Variants in ANKS1B observed in about 807,000 individuals in gnomAD.
The protein encoded by ANKS1B is ankyrin repeat and sterile alpha motif domain containing 1B, also known as ankyrin repeat and sterile alpha motif domain-containing protein 1B.
Under a neutral mutation model 148.3 loss-of-function variants are expected in ANKS1B, and 36 were observed. The ratio of observed to expected loss-of-function variants is 0.24; its 90% confidence interval spans 0.19 to 0.32. The LOEUF (loss-of-function observed/expected upper bound fraction) is 0.32. Among genes scored for constraint, ANKS1B ranks in the 10% least tolerant of loss-of-function variants. ANKS1B has a pLI of 1.00. For synonymous variants in ANKS1B, 542 were observed against 560.8 expected (o/e 0.97, Z 0.47); for missense variants, 1,157 against 1,542.6 (o/e 0.75, Z 4.19).
At chr12:99,688,195 C>T (rs1027643967) in intron 8 of ANKS1B, among the ~76,000 whole-genome samples, 2 of 152,168 alleles carry the variant, frequency 1.3e-5, no homozygotes, top group African/African-American at 4.8e-5. Context: ...GTGGGTCCTT[C>T]CCCAGCCTCA....
At chr12:99,648,169 G>A in intron 9 of ANKS1B, 5 of 1,604,314 alleles carry the variant, frequency 3.1e-6, no homozygotes, top group Non-Finnish European at 4.3e-6. Context: ...TGATTTAAAG[G>A]AAGACATGGA....
chr12:99,948,561 T>C (rs1056362331), intron 1 of ANKS1B, among the ~76,000 whole-genome samples: 4 of 152,138 alleles, frequency 2.6e-5, no homozygotes, highest in African/African-American at 4.8e-5. Flanking sequence ...CTTGCACATA[T>C]TGGGAATTCA....
chr12:99,102,725 C>T (rs10860391), intron 15 of ANKS1B, among the ~76,000 whole-genome samples: 50,249 of 151,834 alleles, frequency 0.33, 10,302 homozygotes, highest in East Asian at 0.69. Flanking sequence ...GGTTGGGTGA[C>T]AGAGTAAGAT....
intron 16 of ANKS1B, among the ~76,000 whole-genome samples, chr12:99,054,953 C>A (rs2099968629): frequency 6.6e-6 from 1 of 152,206 alleles, no homozygotes; most frequent in African/African-American, 2.4e-5. Context: ...CCCATTTTAG[C>A]TACTCATTAA....
intron 10 of ANKS1B, among the ~76,000 whole-genome samples, chr12:99,478,106 T>C (rs1010772257): frequency 1.3e-5 from 2 of 152,060 alleles, no homozygotes; most frequent in African/African-American, 4.8e-5. Flanking sequence ...AGGAAAGTAA[T>C]ATGCACAAAA....
intron 15 of ANKS1B, among the ~76,000 whole-genome samples, chr12:99,103,909 T>C (rs763956840): frequency 6.6e-6 from 1 of 152,212 alleles, no homozygotes; most frequent in Non-Finnish European, 1.5e-5. Flanking sequence ...ATACTTACTA[T>C]ATACTTGCTA....
At chr12:99,364,826 T>C (rs1180923576) in intron 12 of ANKS1B, among the ~76,000 whole-genome samples, 1 of 152,198 alleles carries the variant, frequency 6.6e-6, no homozygotes, top group Non-Finnish European at 1.5e-5. Context: ...TGATTATTGC[T>C]ATACTCCCAC....
chr12:99,124,736 C>T (rs1161093642), intron 15 of ANKS1B, among the ~76,000 whole-genome samples: 3 of 151,820 alleles, frequency 2.0e-5, no homozygotes, highest in Admixed American at 6.6e-5. Flanking sequence ...AGGGGAGGGG[C>T]ATCCAAAAGG....
chr12:98,872,941 C>T (rs1305213881), intron 17 of ANKS1B, among the ~76,000 whole-genome samples: 2 of 152,196 alleles, frequency 1.3e-5, no homozygotes, highest in Non-Finnish European at 2.9e-5. Context: ...CTTTTAGTTT[C>T]TCCTTGATCT....
intron 22 of ANKS1B, among the ~76,000 whole-genome samples, chr12:98,786,349 C>T (rs1435920557): frequency 2.0e-5 from 3 of 152,118 alleles, no homozygotes; most frequent in African/African-American, 7.2e-5. Flanking sequence ...TAAACAGAAA[C>T]AGGAATCAGA....
chr12:99,769,534 T>C (rs2062996977), intron 8 of ANKS1B, among the ~76,000 whole-genome samples: 1 of 152,214 alleles, frequency 6.6e-6, no homozygotes, highest in African/African-American at 2.4e-5. Context: ...TCAGGATCAA[T>C]TTTAAACTTC....
At chr12:99,239,458 T>C (rs2153962694) in intron 14 of ANKS1B, among the ~76,000 whole-genome samples, 1 of 152,254 alleles carries the variant, frequency 6.6e-6, no homozygotes, top group Non-Finnish European at 1.5e-5. Context: ...TACCAGAAAG[T>C]GACAGGGAGA....
At chr12:99,060,199 AT>A (rs911162026) in intron 16 of ANKS1B, among the ~76,000 whole-genome samples, 10 of 20,170 alleles carry the variant, frequency 5.0e-4, no homozygotes, top group Non-Finnish European at 9.4e-4. Flanking sequence ...ATATTAACAT[AT>A]TTTTTTTTTG....
chr12:99,648,771 A>C, intron 9 of ANKS1B: 1 of 1,611,444 alleles, frequency 6.2e-7, no homozygotes, highest in Non-Finnish European at 8.5e-7. Context: ...TGTTGGAGGA[A>C]GTGCAGAGGA....
At chr12:99,568,140 T>C (rs564518484) in intron 9 of ANKS1B, among the ~76,000 whole-genome samples, 1 of 152,322 alleles carries the variant, frequency 6.6e-6, no homozygotes, top group South Asian at 2.1e-4. Context: ...ACTATGAAAA[T>C]CAAGGTGGAC....
chr12:99,632,756 TATATATA>T lies in ANKS1B; in HGVS notation c.1272+22304_1272+22310del, dbSNP rs1567522814. 1.6e-3 allele frequency among the ~76,000 whole-genome samples: 141 copies of T among 90,838 alleles called. 2 individuals carry two copies. The highest frequency in any genetic ancestry group is 5.2e-3 in the African/African-American group (136 of 26,260). 59.6% of individuals were successfully genotyped at this position (90,838 alleles called of 152,430 possible). ...ATATATATATATATATATATATATA[TATATATA>T]TATATTTTAATTATACTTTAAGTTC... is the stretch of plus-strand genomic sequence containing the variant. On this transcript the variant is annotated intron_variant, in intron 9 of 26. Coordinates refer to ENST00000683438, the MANE Select transcript of ANKS1B (RefSeq NM_001352186.2).
intron 14 of ANKS1B, among the ~76,000 whole-genome samples, chr12:99,186,808 T>C (rs939426718): frequency 3.3e-5 from 5 of 152,068 alleles, no homozygotes; most frequent in Admixed American, 6.5e-5. Context: ...AAAATCAGAA[T>C]GCCTCTTCTT....
At chr12:99,549,324 G>A (rs1596814840) in intron 9 of ANKS1B, among the ~76,000 whole-genome samples, 3 of 152,284 alleles carry the variant, frequency 2.0e-5, no homozygotes, top group South Asian at 2.1e-4. Flanking sequence ...TTTCAAAATA[G>A]AAGTTGAGGC....
intron 12 of ANKS1B, among the ~76,000 whole-genome samples, chr12:99,322,269 C>G (rs184568995): frequency 2.6e-5 from 4 of 152,098 alleles, no homozygotes; most frequent in Non-Finnish European, 4.4e-5. Flanking sequence ...AAACCAAACA[C>G]TGTATGTTCT....
Sources: gnomAD v4.1 joint callset for allele counts (sites outside exome capture counted in the v4.1 genomes callset) on GRCh38, gnomAD v4.1.1 for gene constraint, MANE v1.5 for transcripts, NCBI Gene and HGNC (gene_info 2026-07-23, HGNC 2026-07-21) for gene names.